DLGAP2: variants seen among roughly 807,000 people sequenced by gnomAD.
The protein encoded by DLGAP2 is DLG associated protein 2, also known as disks large-associated protein 2.
DLGAP2 carries 26 observed loss-of-function variants against 100.3 expected under a neutral mutation model. That is an observed-to-expected ratio of 0.26 (90% CI 0.19 to 0.36). DLGAP2 has a LOEUF of 0.36. Ranked by LOEUF, DLGAP2 falls within the 10% of genes least tolerant of loss-of-function variation. DLGAP2 has a pLI of 1.00. For synonymous variants in DLGAP2, 886 were observed against 630.1 expected, an observed-to-expected ratio of 1.41 and a Z score of -6.08; for missense variants, 1,858 against 1,453.2, an observed-to-expected ratio of 1.28 and a Z score of -4.53.
At chr8:1,180,482 C>G (rs889507913) in intron 2 of DLGAP2, among the ~76,000 whole-genome samples, 1 of 152,270 alleles carries the variant, frequency 6.6e-6, no homozygotes, top group Non-Finnish European at 1.5e-5. Context: ...GCAGGAGCCA[C>G]CGTGCCCAGC....
At chr8:1,596,759 G>A (rs1477382943) in intron 6 of DLGAP2, among the ~76,000 whole-genome samples, 1 of 152,020 alleles carries the variant, frequency 6.6e-6, no homozygotes, top group Non-Finnish European at 1.5e-5. Flanking sequence ...AAAGTTCCTT[G>A]TAGATTCTGG....
intron 8 of DLGAP2, among the ~76,000 whole-genome samples, chr8:1,667,958 G>A (rs779516962): frequency 6.6e-6 from 1 of 151,920 alleles, no homozygotes; most frequent in Non-Finnish European, 1.5e-5. Context: ...TGCTGGATTT[G>A]TTGGTATTTT....
chr8:877,215 A>AT (rs1404939980), intron 1 of DLGAP2, among the ~76,000 whole-genome samples: 1 of 151,770 alleles, frequency 6.6e-6, no homozygotes, highest in African/African-American at 2.4e-5. Flanking sequence ...ATGTCTCATG[A>AT]TTTTTTGTCA....
At chr8:798,533 C>T (rs1408249779) in intron 1 of DLGAP2, among the ~76,000 whole-genome samples, 36 of 132,810 alleles carry the variant, frequency 2.7e-4, no homozygotes, top group African/African-American at 1.0e-3. Flanking sequence ...CCTGCAGCCC[C>T]GTGCCCCGGC....
intron 2 of DLGAP2, among the ~76,000 whole-genome samples, chr8:955,791 A>G (rs1031120452): frequency 4.6e-5 from 7 of 152,194 alleles, no homozygotes; most frequent in East Asian, 3.9e-4. Context: ...CATATTCCCA[A>G]TATCTTACCT....
intron 3 of DLGAP2, among the ~76,000 whole-genome samples, chr8:1,285,670 T>C (rs1799907525): frequency 6.6e-6 from 1 of 152,228 alleles, no homozygotes; most frequent in Non-Finnish European, 1.5e-5. Flanking sequence ...TGATAGGCCA[T>C]AAATACACCT....
chr8:1,190,779 T>G (rs896976968), intron 2 of DLGAP2, among the ~76,000 whole-genome samples: 1 of 151,964 alleles, frequency 6.6e-6, no homozygotes, highest in Non-Finnish European at 1.5e-5. Context: ...GAGCCCAGGT[T>G]CCAGGTGCAC....
intron 2 of DLGAP2, among the ~76,000 whole-genome samples, chr8:1,207,064 C>T (rs999393659): frequency 6.6e-6 from 1 of 152,216 alleles, no homozygotes; most frequent in Non-Finnish European, 1.5e-5. Context: ...ATGTGTCCTT[C>T]ACAGTGTTAC....
intron 3 of DLGAP2, among the ~76,000 whole-genome samples, chr8:1,437,973 C>G (rs532026805): frequency 2.6e-5 from 4 of 151,766 alleles, no homozygotes; most frequent in Non-Finnish European, 5.9e-5. Flanking sequence ...GCGACAAGAG[C>G]AAAACTCCAT....
chr8:1,356,409 A>G (rs13254541), intron 3 of DLGAP2, among the ~76,000 whole-genome samples: 29,785 of 152,150 alleles, frequency 0.2, 3,658 homozygotes, highest in Admixed American at 0.29. Flanking sequence ...AAATAAAACC[A>G]TGTGAAACCA....
intron 2 of DLGAP2, among the ~76,000 whole-genome samples, chr8:1,080,061 G>C (rs112503309): frequency 6.6e-6 from 1 of 152,358 alleles, no homozygotes; most frequent in African/African-American, 2.4e-5. Context: ...GTCCTCAAGC[G>C]TATGATGGGG....
chr8:1,359,694 C>G lies in DLGAP2; in HGVS notation c.106+100811C>G, dbSNP rs529909936. On this transcript the variant is annotated intron_variant, in intron 3 of 14. Coordinates refer to ENST00000637795, the MANE Select transcript of DLGAP2 (RefSeq NM_001346810.2). Reference sequence around the variant, plus strand: ...TCCCCTCCCAATCCCACGGTAGACGCTGGCCTCAGCTCTTATAAAACCCGC... The same window carrying G: ...TCCCCTCCCAATCCCACGGTAGACGGTGGCCTCAGCTCTTATAAAACCCGC... Among the ~76,000 whole-genome samples, 4 of 152,366 alleles carry G rather than the reference C, an allele frequency of 2.6e-5. No individual in the cohort carries two copies. The South Asian group carries it at 8.3e-4, about 32-fold the overall frequency.
At chr8:856,126 C>G (rs915067448) in intron 1 of DLGAP2, among the ~76,000 whole-genome samples, 2 of 148,732 alleles carry the variant, frequency 1.3e-5, no homozygotes, top group Non-Finnish European at 3.0e-5. Context: ...CAACAGATGA[C>G]ATGATTATTT....
intron 2 of DLGAP2, among the ~76,000 whole-genome samples, chr8:1,226,227 A>T (rs1261765363): frequency 6.6e-6 from 1 of 152,210 alleles, no homozygotes; most frequent in African/African-American, 2.4e-5. Context: ...GAATCAACGC[A>T]AATGTCCATC....
intron 2 of DLGAP2, among the ~76,000 whole-genome samples, chr8:1,141,244 G>A (rs960866570): frequency 6.6e-6 from 1 of 152,146 alleles, no homozygotes; most frequent in Non-Finnish European, 1.5e-5. Context: ...TTAGAGAAAG[G>A]TGTTCGTTTC....
At chr8:1,238,541 T>A (rs1798716022) in intron 2 of DLGAP2, among the ~76,000 whole-genome samples, 1 of 111,930 alleles carries the variant, frequency 8.9e-6, no homozygotes, top group African/African-American at 3.3e-5. Flanking sequence ...TCTGGTTCTC[T>A]CACATGGTGC....
At chr8:963,845 C>T (rs191179894) in intron 2 of DLGAP2, among the ~76,000 whole-genome samples, 4 of 152,212 alleles carry the variant, frequency 2.6e-5, no homozygotes, top group East Asian at 1.9e-4. Flanking sequence ...AATTTGACAG[C>T]GGGATGACAT....
At chr8:1,102,015 A>T (rs1215159197) in intron 2 of DLGAP2, among the ~76,000 whole-genome samples, 1 of 152,126 alleles carries the variant, frequency 6.6e-6, no homozygotes, top group Non-Finnish European at 1.5e-5. Context: ...ATGAACTTAA[A>T]AAAGCAGCCA....
At chr8:1,176,438 T>C (rs1198871416) in intron 2 of DLGAP2, among the ~76,000 whole-genome samples, 3 of 152,166 alleles carry the variant, frequency 2.0e-5, no homozygotes, top group African/African-American at 7.2e-5. Flanking sequence ...GGGTGTTTGT[T>C]CTGAGTATTT....
Sources: gnomAD v4.1 joint callset for allele counts (sites outside exome capture counted in the v4.1 genomes callset) on GRCh38, gnomAD v4.1.1 for gene constraint, MANE v1.5 for transcripts, NCBI Gene and HGNC (gene_info 2026-07-23, HGNC 2026-07-21) for gene names.